The following ANO7 variants were observed in gnomAD, a reference collection of about 807,000 sequenced individuals.
The protein encoded by ANO7 is anoctamin 7.
In ANO7, 114 loss-of-function variants were observed where a neutral mutation model predicts 115.8. The ratio of observed to expected loss-of-function variants is 0.98; its 90% CI spans 0.85 to 1.15. The LOEUF is 1.15. Among genes scored for constraint, ANO7 ranks in the 50% most tolerant of loss-of-function variants. The pLI is 0.00. For synonymous variants in ANO7, 550 were observed against 498.2 expected, an observed-to-expected ratio of 1.10 and a Z score of -1.38; for missense variants, 1,302 against 1,201.2, an observed-to-expected ratio of 1.08 and a Z score of -1.24.
chr2:241,237,015 G>T, the ANO7 span, among the ~76,000 whole-genome samples: 154 of 151,454 alleles, frequency 1.0e-3, 2 homozygotes, highest in Non-Finnish European at 8.0e-4. Context: ...GGCTTTGCCG[G>T]GAGGCCGTGA....
chr2:241,198,445 T>G (rs1229887368), intron 4 of ANO7, among the ~76,000 whole-genome samples: 1 of 152,200 alleles, frequency 6.6e-6, no homozygotes, highest in African/African-American at 2.4e-5. Context: ...AAGGTCATCA[T>G]CCAGACTCGA....
At chr2:241,218,877 C>T (rs563398093) in intron 21 of ANO7, among the ~76,000 whole-genome samples, 9 of 152,200 alleles carry the variant, frequency 5.9e-5, no homozygotes, top group Non-Finnish European at 8.8e-5. Flanking sequence ...AAAAGTTTTA[C>T]GGTGCTTTCT....
downstream of ANO7, chr2:241,228,415 A>T (rs967433677): frequency 6.6e-6 from 1 of 152,246 alleles, no homozygotes; most frequent in Non-Finnish European, 1.5e-5. Context: ...TCGGCCCTAG[A>T]CCGTGAAAAC....
At chr2:241,229,948 A>G, downstream of ANO7, 5 of 1,600,950 alleles carry the variant, frequency 3.1e-6, no homozygotes, top group Non-Finnish European at 4.3e-6. Context: ...CTCACTGTCC[A>G]CCACGTCAGC....
In ANO7 at chr2:241,207,625, C is replaced by T. The variant is rs527856189; in HGVS notation, c.1032C>T (p.Leu344=). The part of the protein sequence containing the change: ...KDSFEMCPLC[L]DCPFWLLSSA... Reference sequence around the variant, plus strand: ...GCTTCGAGATGTGCCCACTTTGCCTCGACTGCCCTTTCTGGCTGCTCTCCA... The same window carrying T: ...GCTTCGAGATGTGCCCACTTTGCCTTGACTGCCCTTTCTGGCTGCTCTCCA... Residue 344 remains leucine (L), a synonymous_variant, in exon 11 of 25, where the codon CTC becomes CTT. Coordinates refer to ENST00000674324, the MANE Select transcript of ANO7 (RefSeq NM_001370694.2). 16 of 1,613,756 alleles carry T rather than the reference C, an allele frequency of 9.9e-6. No individual in the cohort carries two copies. The highest frequency in any genetic ancestry group is 4.4e-5 in the South Asian group (4 of 91,088).
At chr2:241,238,853 A>G in the ANO7 span, 1 of 1,341,516 alleles carries the variant, frequency 7.5e-7, no homozygotes, top group Non-Finnish European at 1.0e-6. This position sits in a 1 kb window ranked among gnomAD's most constrained non-coding sequence, Gnocchi z 4.9. Flanking sequence ...CAAGTTTTAC[A>G]GCACTCTTCA....
Position 241,200,182 on chromosome 2 carries a change from C to G in ANO7, c.511C>G (p.Pro171Ala), listed in dbSNP as rs754803385. The G allele has an allele frequency of 3.1e-6, 5 of 1,613,124 alleles. No homozygotes were observed. Among genetic ancestry groups the G allele is most frequent in the Non-Finnish European group, 4.2e-6 (5 of 1,180,012 alleles). Reference protein sequence around the residue: ...VLLEVVPDVPPEYYSCRFRVN... With the variant: ...VLLEVVPDVPAEYYSCRFRVN... The stretch of plus-strand genomic sequence containing the variant: ...GCTGGAGGTTGTGCCAGACGTACCC[C>G]CCGAGTACTACTCCTGCCGGTTCAG... Residue 171 changes from proline to alanine, a missense_variant, in exon 6 of 25, where the codon CCC becomes GCC. Physicochemically the swap from Pro to Ala is conservative, Grantham distance 27. Transcript: ENST00000674324.
Position 241,216,164 on chromosome 2 carries a change from C to T in ANO7, c.1898C>T (p.Ala633Val), listed in dbSNP as rs973121607. ...AGGAAGGCGGGAGCTTCTGCAGGGG[C>T]TAGCCAGGGGCCCTGGGAGGACGAC... ...KKRKAGASAGASQGPWEDDYE... is the reference protein window; with the variant it reads ...KKRKAGASAGVSQGPWEDDYE... The change falls in exon 19 of 25, where the codon GCT becomes GTT. Residue 633 changes from alanine (A) to valine (V), a missense_variant. Transcript: ENST00000674324. The T allele has an allele frequency of 3.1e-6, 5 of 1,613,210 alleles. No homozygotes were observed. Among genetic ancestry groups the T allele is most frequent in the Non-Finnish European group, 4.2e-6 (5 of 1,179,926 alleles).
In ANO7 at chr2:241,191,710, G is replaced by A. The variant is rs1376637954; in HGVS notation, c.166+459G>A. Among the ~76,000 whole-genome samples the A allele has an allele frequency of 1.8e-4, 11 of 62,242 alleles. No individual in the cohort carries two copies. The South Asian group carries it at 2.0e-3, about 11-fold the overall frequency. The allele number at this position is 62,242 out of a possible 152,430, so 40.8% of individuals were successfully genotyped here. ...CAGCCGGGCTCCCAGCACCCACCCC[G>A]CCCACCCTGCTGTCCCCTCAGCACC... On this transcript the variant is annotated intron_variant, in intron 3 of 24. Transcript: ENST00000674324.
chr2:241,235,020 C>G, the ANO7 span: 1 of 1,415,422 alleles, frequency 7.1e-7, no homozygotes, highest in South Asian at 1.3e-5. Context: ...AGCCAGATGT[C>G]GCTGGGATGC....
At chr2:241,200,301 G>C in intron 6 of ANO7, 76 bp downstream of exon 6, 1 of 1,549,670 alleles carries the variant, frequency 6.5e-7, no homozygotes, top group East Asian at 2.3e-5. Context: ...GCGGAACTTG[G>C]TGCTTCCCCA....
the ANO7 span, chr2:241,235,431 C>T: frequency 2.0e-6 from 3 of 1,477,270 alleles, no homozygotes; most frequent in Middle Eastern, 1.8e-4. Flanking sequence ...GACACTGGCA[C>T]TCGGGAGAGG....
chr2:241,208,127 G>T (rs896266012), intron 11 of ANO7, among the ~76,000 whole-genome samples: 17 of 152,314 alleles, frequency 1.1e-4, no homozygotes, highest in Admixed American at 9.1e-4. Flanking sequence ...CTTCCCAGGG[G>T]CCTCAGGGCC....
At chr2:241,210,707 T>G in intron 15 of ANO7, 137 bp downstream of exon 15, 1 of 771,422 alleles carries the variant, frequency 1.3e-6, no homozygotes, top group South Asian at 1.7e-5. Flanking sequence ...TGAGACAGGA[T>G]CTCACTCTGT....
chr2:241,218,409 C>T, intron 21 of ANO7, 28 bp downstream of exon 21: 3 of 1,284,928 alleles, frequency 2.3e-6, no homozygotes, highest in South Asian at 2.2e-5. Flanking sequence ...TGGAGGGGGC[C>T]GCGGGCGCAC....
intron 3 of ANO7, among the ~76,000 whole-genome samples, chr2:241,194,179 A>ATTTT (rs59855055): frequency 3.4e-4 from 42 of 123,972 alleles, no homozygotes; most frequent in African/African-American, 6.9e-4. Context: ...CTGGCCTTTA[A>ATTTT]TTTTTTTTTT....
rs577635408 is a variant in ANO7 at position 241,223,296 on chromosome 2, G to A, written c.2412+20G>A. On this transcript the variant is annotated intron_variant, in intron 22 of 24. Coordinates refer to ENST00000674324, the MANE Select transcript of ANO7 (RefSeq NM_001370694.2). ...TTTGAGGTAGCCGAGGCACCTGCTG[G>A]TTCTCCCATCCATGGCATGAGGCCC... 1 of 1,613,804 alleles carries A rather than the reference G, an allele frequency of 6.2e-7. No individual in the cohort carries two copies. Among genetic ancestry groups the A allele is most frequent in the East Asian group, 2.2e-5 (1 of 44,886 alleles).
chr2:241,235,292 C>T, the ANO7 span: 6 of 1,613,806 alleles, frequency 3.7e-6, no homozygotes, highest in South Asian at 2.2e-5. Flanking sequence ...GTTCAGGACC[C>T]CAGAGAACAG....
At chr2:241,204,550 G>A (rs1327302324) in intron 9 of ANO7, among the ~76,000 whole-genome samples, 1 of 152,180 alleles carries the variant, frequency 6.6e-6, no homozygotes, top group Non-Finnish European at 1.5e-5. Flanking sequence ...TCCGTCCCGG[G>A]CAGGTTGGTT....
Sources: allele counts gnomAD v4.1 joint callset (sites outside exome capture counted in the v4.1 genomes callset), GRCh38; gene constraint gnomAD v4.1.1; non-coding constraint Gnocchi (gnomAD v3.1); transcripts MANE v1.5; gene names NCBI Gene and HGNC (gene_info 2026-07-23, HGNC 2026-07-21).